Variants in ZNF710 observed in about 807,000 individuals in gnomAD.
ZNF710 encodes zinc finger protein 710.
ZNF710 carries 13 observed loss-of-function variants against 50.6 expected under a neutral mutation model. The observed-to-expected ratio is 0.26, with a 90% CI of 0.17 to 0.41. The LOEUF is 0.41. Among genes scored for constraint, ZNF710 ranks in the 10% least tolerant of loss-of-function variants. The probability of loss-of-function intolerance (pLI) is 1.00; values close to 1 mark genes in which losing one functional copy is unlikely to be tolerated. For synonymous variants in ZNF710, 383 were observed against 397.0 expected, an observed-to-expected ratio of 0.96 and a Z score of 0.42; for missense variants, 721 against 936.6, an observed-to-expected ratio of 0.77 and a Z score of 3.01.
chr15:90,021,661 A>C (rs1478142749), intron 1 of ZNF710, among the ~76,000 whole-genome samples: 1 of 152,222 alleles, frequency 6.6e-6, no homozygotes. Context: ...CCCCCAGTCC[A>C]GAAGGGGTAC....
chr15:90,042,203 C>T (rs540535589), intron 1 of ZNF710, among the ~76,000 whole-genome samples: 31 of 152,134 alleles, frequency 2.0e-4, no homozygotes, highest in African/African-American at 6.5e-4. Context: ...GGCCCCTGTG[C>T]CTCTTTGTAT....
rs1899055394 is a variant in ZNF710 at position 90,034,512 on chromosome 15, C to T, written c.-28-32598C>T. Reference sequence around the variant, plus strand: ...GTGGTGGTGGTGGCCATGGTGTCGGCAGCAGCAGGGTTGTCAGGAAACAAC... The same window carrying T: ...GTGGTGGTGGTGGCCATGGTGTCGGTAGCAGCAGGGTTGTCAGGAAACAAC... On this transcript the variant is annotated intron_variant, in intron 1 of 4. Transcript: ENST00000268154. This position sits in a 1 kb window ranked among gnomAD's most constrained non-coding sequence, Gnocchi z 4.0. Among the ~76,000 whole-genome samples the T allele has an allele frequency of 6.7e-6, 1 of 149,374 alleles. No individual in the cohort carries two copies. The highest frequency in any genetic ancestry group is 1.5e-5 in the Non-Finnish European group (1 of 67,610).
At chr15:90,072,946 A>C (rs1167735580) in intron 2 of ZNF710, 125 bp from the exon 3 acceptor site, 2 of 1,000,110 alleles carry the variant, frequency 2.0e-6, no homozygotes, top group East Asian at 5.2e-5. Context: ...CCTCAAAAAG[A>C]GACATTTCCC....
Position 90,048,933 on chromosome 15 carries a change from C to T in ZNF710, c.-28-18177C>T, listed in dbSNP as rs143675197. Among the ~76,000 whole-genome samples, 514 of 152,286 alleles carry T rather than the reference C, an allele frequency of 3.4e-3. 4 individuals are homozygous for T. Among genetic ancestry groups the T allele is most frequent in the African/African-American group, 0.011 (473 of 41,552 alleles). ...ACCAAGGACTTGAGCTAGAACCTTC[C>T]GTGGGACCGGGTCCATTCCCAGCAT... On this transcript the variant is annotated intron_variant, in intron 1 of 4. Coordinates refer to ENST00000268154, the MANE Select transcript of ZNF710 (RefSeq NM_198526.4).
chr15:90,061,613 C>T (rs1900010349), intron 1 of ZNF710, among the ~76,000 whole-genome samples: 2 of 152,180 alleles, frequency 1.3e-5, no homozygotes, highest in Non-Finnish European at 2.9e-5. Context: ...CACTCTCTGC[C>T]CTGAGATCTG....
chr15:90,033,929 C>T (rs1005759582), intron 1 of ZNF710, among the ~76,000 whole-genome samples: 12 of 152,144 alleles, frequency 7.9e-5, no homozygotes, highest in African/African-American at 9.7e-5. Flanking sequence ...TGGCTGGATG[C>T]GGTGGCTCAT....
chr15:90,044,043 TC>T (rs1474413940), intron 1 of ZNF710, among the ~76,000 whole-genome samples: 2 of 152,202 alleles, frequency 1.3e-5, no homozygotes, highest in Non-Finnish European at 2.9e-5. Flanking sequence ...ATATGTTTTT[TC>T]TCCATTGCTC....
At chr15:90,070,939 A>G (rs1900358419) in intron 2 of ZNF710, among the ~76,000 whole-genome samples, 1 of 152,226 alleles carries the variant, frequency 6.6e-6, no homozygotes, top group Non-Finnish European at 1.5e-5. Context: ...TATATTTGCC[A>G]TCTTTCTCCT....
intron 1 of ZNF710, among the ~76,000 whole-genome samples, chr15:90,033,701 G>A (rs1215573649): frequency 3.3e-5 from 5 of 152,178 alleles, no homozygotes; most frequent in Admixed American, 3.3e-4. Context: ...TGGGACCATA[G>A]GCATTCGCTA....
At chr15:90,060,928 G>C (rs1334132580) in intron 1 of ZNF710, among the ~76,000 whole-genome samples, 1 of 152,200 alleles carries the variant, frequency 6.6e-6, no homozygotes, top group Admixed American at 6.5e-5. Context: ...TGAGCAACCT[G>C]GTGATTCAAG....
chr15:90,052,411 G>A (rs1030183807), intron 1 of ZNF710, among the ~76,000 whole-genome samples: 6 of 152,048 alleles, frequency 3.9e-5, no homozygotes, highest in East Asian at 1.9e-4. Flanking sequence ...CTGATCACTC[G>A]AGATTAAAAA....
At chr15:90,060,796 C>T (rs1899983582) in intron 1 of ZNF710, among the ~76,000 whole-genome samples, 3 of 152,298 alleles carry the variant, frequency 2.0e-5, no homozygotes, top group African/African-American at 7.2e-5. Context: ...GCAGAGGTTG[C>T]AGTGATCCAG....
At chr15:90,017,552 G>A (rs1301701940) in intron 1 of ZNF710, among the ~76,000 whole-genome samples, 2 of 152,158 alleles carry the variant, frequency 1.3e-5, no homozygotes, top group East Asian at 3.9e-4. Flanking sequence ...GCTCTCGGGG[G>A]TAGGAAGTTT....
intron 1 of ZNF710, among the ~76,000 whole-genome samples, chr15:90,008,455 T>TATATATATACACATATATATATACAC (rs1898210451): frequency 4.6e-5 from 6 of 130,708 alleles, no homozygotes; most frequent in African/African-American, 1.9e-4. Context: ...TATATATATG[T>TATATATATACACATATATATATACAC]ATATATATAT....
At chr15:90,048,441 G>A (rs1899535197) in intron 1 of ZNF710, among the ~76,000 whole-genome samples, 3 of 152,238 alleles carry the variant, frequency 2.0e-5, no homozygotes, top group Admixed American at 2.0e-4. Context: ...ACAGGGAGGA[G>A]GGTGACTTGC....
chr15:90,041,892 A>ATTTTTT (rs71151548), intron 1 of ZNF710, among the ~76,000 whole-genome samples: 4 of 110,558 alleles, frequency 3.6e-5, no homozygotes, highest in Admixed American at 9.4e-5. Flanking sequence ...TTTGTTTTTG[A>ATTTTTT]TTTTTTTTTT....
At chr15:90,045,400 C>T (rs771229224) in intron 1 of ZNF710, 24 of 985,374 alleles carry the variant, frequency 2.4e-5, no homozygotes, top group Middle Eastern at 1.0e-3. Flanking sequence ...ACAGGTTTGC[C>T]GTCTGGGAAC....
intron 1 of ZNF710, among the ~76,000 whole-genome samples, chr15:90,055,591 C>T (rs1284875884): frequency 6.6e-6 from 1 of 152,256 alleles, no homozygotes; most frequent in African/African-American, 2.4e-5. Context: ...TCAGTCTTCT[C>T]TCTTTTGACT....
chr15:90,017,567 G>C (rs529664680), intron 1 of ZNF710, among the ~76,000 whole-genome samples: 1 of 151,974 alleles, frequency 6.6e-6, no homozygotes, highest in African/African-American at 2.4e-5. Flanking sequence ...AAGTTTTCGG[G>C]ATCTGTGGGC....
Sources: allele counts gnomAD v4.1 joint callset (sites outside exome capture counted in the v4.1 genomes callset), GRCh38; gene constraint gnomAD v4.1.1; non-coding constraint Gnocchi (gnomAD v3.1); transcripts MANE v1.5; gene names NCBI Gene and HGNC (gene_info 2026-07-23, HGNC 2026-07-21).